DLG2: variants seen among roughly 807,000 people sequenced by gnomAD.
DLG2 encodes discs large MAGUK scaffold protein 2.
A neutral mutation model predicts 132.5 loss-of-function variants in DLG2; 45 were observed. The observed-to-expected ratio is 0.34, with a 90% CI of 0.27 to 0.44. The LOEUF is 0.44. Ranked by LOEUF, DLG2 falls within the 20% of genes least tolerant of loss-of-function variation. DLG2 has a pLI of 1.00. For synonymous variants in DLG2, 424 were observed against 419.6 expected, an observed-to-expected ratio of 1.01 and a Z score of -0.13; for missense variants, 1,045 against 1,196.9, an observed-to-expected ratio of 0.87 and a Z score of 1.87.
At chr11:84,052,495 T>C (rs1222391066) in intron 11 of DLG2, among the ~76,000 whole-genome samples, 3 of 151,398 alleles carry the variant, frequency 2.0e-5, no homozygotes, top group African/African-American at 7.3e-5. Flanking sequence ...CTTAAACAAA[T>C]TTACAAGAAA....
chr11:83,578,165 C>T (rs748532134), intron 19 of DLG2, among the ~76,000 whole-genome samples: 32 of 149,580 alleles, frequency 2.1e-4, no homozygotes, highest in Admixed American at 3.4e-4. Context: ...GGTTCTAATG[C>T]GGTACATGAA....
At chr11:84,190,448 T>A (rs144709272) in intron 8 of DLG2, among the ~76,000 whole-genome samples, 1 of 152,136 alleles carries the variant, frequency 6.6e-6, no homozygotes, top group African/African-American at 2.4e-5. Flanking sequence ...TGGGTCTTTT[T>A]CCCCCTCTAG....
chr11:84,711,021 T>G (rs536965326), intron 6 of DLG2, among the ~76,000 whole-genome samples: 8,422 of 102,450 alleles, frequency 0.082, 318 homozygotes, highest in Middle Eastern at 0.12. Context: ...TATATATATA[T>G]ATATATATAT....
At chr11:84,139,681 C>A (rs968381127) in intron 9 of DLG2, among the ~76,000 whole-genome samples, 1 of 152,046 alleles carries the variant, frequency 6.6e-6, no homozygotes, top group African/African-American at 2.4e-5. Context: ...CTCACATTCA[C>A]AAAGCAGGTA....
rs1452986989 is a variant in DLG2 at position 85,483,143 on chromosome 11, C to A, written c.40+115514G>T. On this transcript the variant is annotated intron_variant, in intron 3 of 27. Transcript: ENST00000376104. ...ACAAGACTACAAAATGACAATATGT[C>A]AAAAATCAAGGACAAAGAGAGGATC... Among the ~76,000 whole-genome samples, 3 of 151,964 alleles carry A rather than the reference C, an allele frequency of 2.0e-5. No individual in the cohort carries two copies. In the East Asian group the frequency reaches 5.8e-4, roughly 29 times the overall value.
chr11:84,638,138 G>A (rs1253880529), intron 6 of DLG2, among the ~76,000 whole-genome samples: 2 of 152,136 alleles, frequency 1.3e-5, no homozygotes, highest in East Asian at 1.9e-4. Context: ...TCATTGTCTT[G>A]AAATCTTGCC....
intron 7 of DLG2, among the ~76,000 whole-genome samples, chr11:84,499,602 A>G (rs1307661168): frequency 4.6e-5 from 7 of 152,200 alleles, no homozygotes; most frequent in African/African-American, 1.4e-4. Context: ...TATAATGCAA[A>G]GATTAACAGT....
In DLG2 at chr11:85,086,908, G is replaced by A. The variant is rs1026092380; in HGVS notation, c.357+24753C>T. Reference sequence around the variant, plus strand: ...AAGCAATGAAACAGTTCAGAATACAGTAAGTTTAACATAATACGAAAGCTT... The same window carrying A: ...AAGCAATGAAACAGTTCAGAATACAATAAGTTTAACATAATACGAAAGCTT... On this transcript the variant is annotated intron_variant, in intron 6 of 27. Transcript: ENST00000376104. 5.9e-5 allele frequency among the ~76,000 whole-genome samples: 9 copies of A among 152,288 alleles called. No individual in the cohort carries two copies. The East Asian group carries it at 1.5e-3, about 26-fold the overall frequency.
chr11:83,519,113 G>A (rs1216456746), intron 21 of DLG2, among the ~76,000 whole-genome samples: 1 of 152,164 alleles, frequency 6.6e-6, no homozygotes, highest in Non-Finnish European at 1.5e-5. Context: ...ACTCCAAGGT[G>A]TCAGTCTCAG....
intron 3 of DLG2, among the ~76,000 whole-genome samples, chr11:85,358,264 G>A (rs1484994996): frequency 6.6e-6 from 1 of 152,066 alleles, no homozygotes; most frequent in Non-Finnish European, 1.5e-5. Context: ...TCAATTACAT[G>A]GTGTTCATAT....
Position 83,456,036 on chromosome 11 carries a change from T to C in DLG2, c.*3782A>G, listed in dbSNP as rs2088910087. On this transcript the variant is annotated 3_prime_UTR_variant, in exon 28 of 28. Transcript: ENST00000376104. Reference sequence around the variant, plus strand: ...AAGCAGAGGGGGCTTCACATAAAAATGGGAAAAAGAAAGCTTATGAATGGG... The same window carrying C: ...AAGCAGAGGGGGCTTCACATAAAAACGGGAAAAAGAAAGCTTATGAATGGG... 6.6e-6 allele frequency: 1 copy of C among 152,474 alleles called. No individual in the cohort carries two copies. The highest frequency in any genetic ancestry group is 6.5e-5 in the Admixed American group (1 of 15,274). The allele number at this position is 152,474 out of a possible 1,614,324, so 9.4% of individuals were successfully genotyped here. A position where few individuals can be genotyped will look rare whatever the true frequency, so the allele number is the denominator to read the frequency against.
At chr11:83,906,823 A>G (rs1006314709) in intron 15 of DLG2, among the ~76,000 whole-genome samples, 3 of 152,160 alleles carry the variant, frequency 2.0e-5, no homozygotes, top group African/African-American at 7.2e-5. Flanking sequence ...CCCTGTCAGT[A>G]TGGCTCCGAA....
intron 3 of DLG2, among the ~76,000 whole-genome samples, chr11:85,404,743 A>C (rs891813660): frequency 6.6e-6 from 1 of 152,010 alleles, no homozygotes; most frequent in African/African-American, 2.4e-5. Context: ...GTTGGTATTT[A>C]TAGTCTCTAT....
At chr11:84,898,797 C>T (rs1234989928) in intron 6 of DLG2, among the ~76,000 whole-genome samples, 1 of 152,004 alleles carries the variant, frequency 6.6e-6, no homozygotes, top group Non-Finnish European at 1.5e-5. Context: ...CAGCTTAAAA[C>T]ATCACTTCCT....
intron 16 of DLG2, among the ~76,000 whole-genome samples, chr11:83,857,965 T>C (rs1595533522): frequency 6.6e-6 from 1 of 152,230 alleles, no homozygotes; most frequent in East Asian, 1.9e-4. Context: ...TGAATCATTA[T>C]GGAATGAAAA....
chr11:84,397,651 C>A (rs529264152), intron 7 of DLG2, among the ~76,000 whole-genome samples: 91 of 152,310 alleles, frequency 6.0e-4, no homozygotes, highest in Middle Eastern at 3.4e-3. Context: ...ACAGCCCTAT[C>A]GCCAACTCAG....
intron 10 of DLG2, among the ~76,000 whole-genome samples, chr11:84,070,359 G>A (rs2096737863): frequency 6.6e-6 from 1 of 152,088 alleles, no homozygotes; most frequent in South Asian, 2.1e-4. Flanking sequence ...ACACTCCATA[G>A]CCCATGAAAT....
chr11:84,513,747 A>G (rs1032762327), intron 7 of DLG2, among the ~76,000 whole-genome samples: 3 of 152,014 alleles, frequency 2.0e-5, no homozygotes, highest in African/African-American at 7.2e-5. Context: ...AAACATTGAA[A>G]AAAACCATCC....
intron 6 of DLG2, among the ~76,000 whole-genome samples, chr11:84,626,847 A>ACATTTTTTATTT (rs373094154): frequency 6.9e-6 from 1 of 144,012 alleles, no homozygotes; most frequent in African/African-American, 2.6e-5. Flanking sequence ...CATCAATTAC[A>ACATTTTTTATTT]TATTTTATTT....
Sources: gnomAD v4.1 joint callset for allele counts (sites outside exome capture counted in the v4.1 genomes callset) on GRCh38, gnomAD v4.1.1 for gene constraint, MANE v1.5 for transcripts, NCBI Gene and HGNC (gene_info 2026-07-23, HGNC 2026-07-21) for gene names.